The following GORAB variants were observed in gnomAD, a reference collection of about 807,000 sequenced individuals.
GORAB encodes RAB6-interacting golgin.
Under a neutral mutation model 29.9 loss-of-function variants are expected in GORAB, and 17 were observed. The ratio of observed to expected loss-of-function variants is 0.57; its 90% CI spans 0.39 to 0.85. The LOEUF (loss-of-function observed/expected upper bound fraction) is 0.85. Ranked by LOEUF, GORAB falls within the 40% of genes least tolerant of loss-of-function variation. The probability of loss-of-function intolerance (pLI) is 0.00; values close to 1 mark genes in which losing one functional copy is unlikely to be tolerated. For synonymous variants in GORAB, 183 were observed against 157.2 expected, an observed-to-expected ratio of 1.16 and a Z score of -1.23; for missense variants, 442 against 437.8, an observed-to-expected ratio of 1.01 and a Z score of -0.09.
Position 170,534,967 on chromosome 1 carries a change from G to A in GORAB, c.61+2683G>A, listed in dbSNP as rs1412369401. Among the ~76,000 whole-genome samples the A allele has an allele frequency of 2.0e-5, 3 of 152,280 alleles. No individual in the cohort carries two copies. In the East Asian group the frequency reaches 5.8e-4, roughly 29 times the overall value. ...CTAAAGTAACAAATAGCCCTAATAA[G>A]TCAATTGTTTAAAATAAAGATTTGG... On this transcript the variant is annotated intron_variant, in intron 1 of 4. Transcript: ENST00000367763.
Position 170,532,214 on chromosome 1 carries a change from GC to G in GORAB, c.-7del. On this transcript the variant is annotated 5_prime_UTR_variant, in exon 1 of 5. Transcript: ENST00000367763. ...TTGGGCACTTTTGGGGGTGCCGGTG[GC>G]CCGGGCCGATGGCGCAAGGTTGGGC... 3 of 1,614,016 alleles carry G rather than the reference GC, an allele frequency of 1.9e-6. No individual in the cohort carries two copies. Among genetic ancestry groups the G allele is most frequent in the Non-Finnish European group, 2.5e-6 (3 of 1,180,010 alleles).
rs942724930 is a variant in GORAB at position 170,552,356 on chromosome 1, C to T, written c.1004C>T (p.Ser335Phe). Residue 335 changes from serine (S) to phenylalanine (F), a missense_variant, in exon 5 of 5, where the codon TCC (serine) becomes TTC (phenylalanine). Transcript: ENST00000367763. The part of the protein sequence containing the change: ...ENRKCQEQAV[S>F]PKVDDQCGNS... ...AGAAAGTGTCAAGAACAAGCTGTTT[C>T]CCCAAAGGTAGATGACCAGTGTGGA... 6.2e-7 allele frequency: 1 copy of T among 1,614,100 alleles called. No individual in the cohort carries two copies. The highest frequency in any genetic ancestry group is 8.5e-7 in the Non-Finnish European group (1 of 1,179,958).
At chr1:170,532,583 GT>G in intron 1 of GORAB, 1 of 402,686 alleles carries the variant, frequency 2.5e-6, no homozygotes, top group African/African-American at 2.0e-5. Context: ...TACAGCCGGG[GT>G]GTCTCCCTTA....
chr1:170,553,201 A>G lies in GORAB; in HGVS notation c.*739A>G, dbSNP rs1483975205. The G allele has an allele frequency of 2.3e-6, 1 of 432,398 alleles. No individual in the cohort carries two copies. The highest frequency in any genetic ancestry group is 4.6e-6 in the Non-Finnish European group (1 of 219,382). 26.8% of individuals were successfully genotyped at this position (432,398 alleles called of 1,614,324 possible). ...AGACAATTAAAACATTTCTAAAGTG[A>G]GACTGAAAATAATATAGAAAATCTC... On this transcript the variant is annotated 3_prime_UTR_variant, in exon 5 of 5. Coordinates refer to ENST00000367763, the MANE Select transcript of GORAB (RefSeq NM_152281.3).
rs1202088164 is a variant in GORAB at position 170,542,657 on chromosome 1, T to C, written c.521+65T>C. The C allele has an allele frequency of 4.9e-6, 5 of 1,019,038 alleles. No homozygotes were observed. In the African/African-American group the frequency reaches 6.3e-5, roughly 13 times the overall value. 63.1% of individuals were successfully genotyped at this position (1,019,038 alleles called of 1,614,324 possible). A position where few individuals can be genotyped will look rare whatever the true frequency, so the allele number is the denominator to read the frequency against. ...AACCAGTTGTGTCATGTGTTATATT[T>C]GTTTTCCCATGTCTCTTTTAATAAA... On this transcript the variant is annotated intron_variant, in intron 3 of 4. Coordinates refer to ENST00000367763, the MANE Select transcript of GORAB (RefSeq NM_152281.3).
Position 170,553,081 on chromosome 1 carries a change from G to A in GORAB, c.*619G>A, listed in dbSNP as rs1396162442. The A allele has an allele frequency of 2.2e-6, 1 of 453,512 alleles. No individual in the cohort carries two copies. The highest frequency in any genetic ancestry group is 4.4e-6 in the Non-Finnish European group (1 of 226,644). 28.1% of individuals were successfully genotyped at this position (453,512 alleles called of 1,614,324 possible). ...TTCCAGTGATTTTAGTTTACAACCT[G>A]CGTTTTGTTATTTGAAACACACACA... On this transcript the variant is annotated 3_prime_UTR_variant, in exon 5 of 5. Transcript: ENST00000367763.
intron 1 of GORAB, among the ~76,000 whole-genome samples, chr1:170,536,917 A>T (rs1295915117): frequency 5.3e-5 from 8 of 152,216 alleles, no homozygotes; most frequent in Non-Finnish European, 1.2e-4. Context: ...TAATCAACAT[A>T]TGATTCAAAT....
chr1:170,545,277 A>C (rs959426764), intron 4 of GORAB: 1 of 985,682 alleles, frequency 1.0e-6, no homozygotes. Flanking sequence ...TCTAGTCCTC[A>C]CTTTAGCTTT....
intron 4 of GORAB, among the ~76,000 whole-genome samples, chr1:170,549,380 A>T (rs779028627): frequency 2.6e-5 from 4 of 152,236 alleles, no homozygotes; most frequent in Non-Finnish European, 5.9e-5. Flanking sequence ...GGCCAGAAGG[A>T]CTTTAAATAA....
chr1:170,552,811 G>C lies in GORAB; in HGVS notation c.*349G>C, dbSNP rs886045554. 1 of 456,904 alleles carries C rather than the reference G, an allele frequency of 2.2e-6. No individual in the cohort carries two copies. Among genetic ancestry groups the C allele is most frequent in the African/African-American group, 2.0e-5 (1 of 50,208 alleles). 28.3% of individuals were successfully genotyped at this position (456,904 alleles called of 1,614,324 possible). A position where few individuals can be genotyped will look rare whatever the true frequency, so the allele number is the denominator to read the frequency against. On this transcript the variant is annotated 3_prime_UTR_variant, in exon 5 of 5. Transcript: ENST00000367763. ...AATGGAAAATGATACTCAATACCTA[G>C]TTAAACTCATTTCACTTCTCCTGGG...
At chr1:170,540,778 G>T (rs143658995) in intron 2 of GORAB, among the ~76,000 whole-genome samples, 4 of 152,140 alleles carry the variant, frequency 2.6e-5, no homozygotes, top group African/African-American at 9.7e-5. Flanking sequence ...AACCATTCAC[G>T]TAAAGGAGAA....
Position 170,552,941 on chromosome 1 carries a change from C to G in GORAB, c.*479C>G, listed in dbSNP as rs1200399956. On this transcript the variant is annotated 3_prime_UTR_variant, in exon 5 of 5. Coordinates refer to ENST00000367763, the MANE Select transcript of GORAB (RefSeq NM_152281.3). ...AAACAGGAATAGAAGAAAAAAGTTG[C>G]AGGTTGAATTATCTATCTGGATATT... 2.2e-6 allele frequency: 1 copy of G among 449,356 alleles called. No individual in the cohort carries two copies. Among genetic ancestry groups the G allele is most frequent in the Non-Finnish European group, 4.4e-6 (1 of 225,710 alleles). 27.8% of individuals were successfully genotyped at this position (449,356 alleles called of 1,614,324 possible).
rs774844006 is a variant in GORAB, at chr1:170,553,789, T to C, written c.*1327T>C. 1 of 453,692 alleles carries C rather than the reference T, an allele frequency of 2.2e-6. No homozygotes were observed. Among genetic ancestry groups the C allele is most frequent in the South Asian group, 1.6e-5 (1 of 64,224 alleles). 28.1% of individuals were successfully genotyped at this position (453,692 alleles called of 1,614,324 possible). On this transcript the variant is annotated 3_prime_UTR_variant, in exon 5 of 5. Transcript: ENST00000367763. ...AAATACATAAAAGCCAACAGTTTCA[T>C]TGTCTAACACACTTCTTTTTCTAAG...
intron 4 of GORAB, among the ~76,000 whole-genome samples, chr1:170,551,723 A>G (rs539326291): frequency 6.6e-6 from 1 of 152,268 alleles, no homozygotes; most frequent in East Asian, 1.9e-4. Context: ...CTAGCATACC[A>G]CTGAATTAAC....
chr1:170,533,483 C>T (rs1223347284), intron 1 of GORAB: 1 of 430,608 alleles, frequency 2.3e-6, no homozygotes, highest in Non-Finnish European at 4.8e-6. Flanking sequence ...GCCCTGGCCT[C>T]TGGTCTGACT....
chr1:170,544,514 G>A (rs1649633924), intron 3 of GORAB, 191 bp from the exon 4 acceptor site: 2 of 490,518 alleles, frequency 4.1e-6, no homozygotes, highest in South Asian at 3.1e-5. Context: ...TATGAAACAT[G>A]CAAATATAAA....
chr1:170,545,113 C>G (rs2101827898), intron 4 of GORAB: 2 of 1,118,710 alleles, frequency 1.8e-6, no homozygotes, highest in Non-Finnish European at 2.2e-6. Flanking sequence ...GCGAAACCCT[C>G]AGCTATTTAA....
intron 1 of GORAB, among the ~76,000 whole-genome samples, chr1:170,535,107 A>C (rs1648976428): frequency 1.3e-5 from 2 of 152,208 alleles, no homozygotes; most frequent in Non-Finnish European, 2.9e-5. Context: ...AAGAAGATTG[A>C]AAATTGAACA....
intron 1 of GORAB, among the ~76,000 whole-genome samples, chr1:170,533,045 T>C (rs1037393182): frequency 2.0e-5 from 3 of 152,256 alleles, no homozygotes; most frequent in East Asian, 3.9e-4. Flanking sequence ...AATTGCACTT[T>C]GCTTGTGGTT....
Sources: allele counts gnomAD v4.1 joint callset (sites outside exome capture counted in the v4.1 genomes callset), GRCh38; gene constraint gnomAD v4.1.1; transcripts MANE v1.5; gene names NCBI Gene and HGNC (gene_info 2026-07-23, HGNC 2026-07-21).